The following COL4A4 variants were observed in gnomAD, a reference collection of about 807,000 sequenced individuals.
COL4A4 encodes the protein collagen type IV alpha 4 chain.
A neutral mutation model predicts 192.9 loss-of-function variants in COL4A4; 105 were observed. That is an observed-to-expected ratio of 0.54 (90% CI 0.46 to 0.64). COL4A4 has a LOEUF of 0.64. COL4A4 is among the 30% of genes least tolerant of loss of function. The probability of loss-of-function intolerance (pLI) is 0.00; values close to 1 mark genes in which losing one functional copy is unlikely to be tolerated. For missense variants in COL4A4, 1,967 were observed against 2,169.3 expected (o/e 0.91, Z 1.85); for synonymous variants, 762 against 769.9 (o/e 0.99, Z 0.17).
chr2:227,135,562 T>C (rs1474453854), intron 4 of COL4A4, among the ~76,000 whole-genome samples: 4 of 152,012 alleles, frequency 2.6e-5, no homozygotes, highest in Non-Finnish European at 4.4e-5. Flanking sequence ...TTCTCTTGGG[T>C]ATGGGAGATC....
chr2:227,113,813 A>G (rs761606520), intron 8 of COL4A4, among the ~76,000 whole-genome samples: 4 of 152,214 alleles, frequency 2.6e-5, no homozygotes, highest in Non-Finnish European at 5.9e-5. Context: ...TCTGCGTGGC[A>G]CAGAACCTAG....
At chr2:226,970,530 AG>A in the COL4A4 span, among the ~76,000 whole-genome samples, 1 of 152,200 alleles carries the variant, frequency 6.6e-6, no homozygotes, top group Admixed American at 6.5e-5. Context: ...AGGGCACGGA[AG>A]CAGCCTTATT....
chr2:227,041,863 AAAGAAAGAAAGAAAG>A (rs1971401174), intron 37 of COL4A4, among the ~76,000 whole-genome samples: 1 of 126,166 alleles, frequency 7.9e-6, no homozygotes, highest in African/African-American at 3.3e-5. Context: ...AGAAAGAAAG[AAAGAAAGAAAGAAAG>A]AAAGAAAGAA....
At chr2:226,988,264 T>A in the COL4A4 span, 4 of 1,452,588 alleles carry the variant, frequency 2.8e-6, no homozygotes, top group Admixed American at 9.1e-5. Flanking sequence ...ATCAGGGCCC[T>A]GAGGAGGCCA....
At chr2:227,102,104 T>A (rs2060556666) in intron 15 of COL4A4, among the ~76,000 whole-genome samples, 195 bp from the exon 16 acceptor site, 1 of 152,242 alleles carries the variant, frequency 6.6e-6, no homozygotes, top group Non-Finnish European at 1.5e-5. Context: ...TGATCCTCAG[T>A]CTTATTCAAA....
chr2:227,147,688 T>A, intron 1 of COL4A4, 104 bp from the exon 2 acceptor site: 1 of 508,238 alleles, frequency 2.0e-6, no homozygotes, highest in South Asian at 2.0e-5. Context: ...AAAGGGTAAC[T>A]TCAACAATCT....
intron 1 of COL4A4, among the ~76,000 whole-genome samples, chr2:227,160,775 A>G (rs2064763733): frequency 6.6e-6 from 1 of 152,214 alleles, no homozygotes; most frequent in Non-Finnish European, 1.5e-5. Flanking sequence ...CTAGATAGCT[A>G]CCATAATCCA....
intron 2 of COL4A4, 65 bp downstream of exon 2, chr2:227,147,348 C>G (rs1413779355): frequency 6.8e-7 from 1 of 1,462,346 alleles, no homozygotes; most frequent in East Asian, 2.3e-5. Context: ...CGGTTTACAT[C>G]CATAGAACAA....
chr2:227,012,808 T>C (rs1964069556), intron 44 of COL4A4, among the ~76,000 whole-genome samples: 1 of 152,202 alleles, frequency 6.6e-6, no homozygotes, highest in Admixed American at 6.5e-5. Context: ...AGCTTTTTAC[T>C]GAGTGTTTAC....
chr2:227,052,006 A>G (rs891805179), intron 32 of COL4A4, among the ~76,000 whole-genome samples: 3 of 152,134 alleles, frequency 2.0e-5, no homozygotes, highest in African/African-American at 7.2e-5. Flanking sequence ...CCTGGCCAAC[A>G]TGGTGAAACC....
chr2:227,068,860 T>C (rs1455421043), intron 25 of COL4A4, among the ~76,000 whole-genome samples: 185 of 149,370 alleles, frequency 1.2e-3, no homozygotes, highest in African/African-American at 4.0e-3. Flanking sequence ...TTGGAAGTTC[T>C]GGCCAGGGCA....
chr2:227,058,481 A>T (rs942569252), intron 28 of COL4A4, among the ~76,000 whole-genome samples: 6 of 152,118 alleles, frequency 3.9e-5, no homozygotes, highest in Admixed American at 1.3e-4. Flanking sequence ...TGTTTCTTTC[A>T]ATATGAATCT....
chr2:227,041,846 A>AAGAAAGAAAGAGAGAGAGAG lies in COL4A4; in HGVS notation c.3505+301_3505+302insCTCTCTCTCTCTTTCTTTCT, dbSNP rs1559478097. On this transcript the variant is annotated intron_variant, in intron 37 of 47. Coordinates refer to ENST00000396625, the MANE Select transcript of COL4A4 (RefSeq NM_000092.5). ...AAAGAAAGAAAGAAAGAAAGAAAGA[A>AAGAAAGAAAGAGAGAGAGAG]AGAGAAAGAAAGAAAGAAAGAAAGA... 1.3e-3 allele frequency among the ~76,000 whole-genome samples: 53 copies of AAGAAAGAAAGAGAGAGAGAG among 39,314 alleles called. 2 individuals are homozygous for AAGAAAGAAAGAGAGAGAGAG. Among genetic ancestry groups the AAGAAAGAAAGAGAGAGAGAG allele is most frequent in the Non-Finnish European group, 2.0e-3 (45 of 22,498 alleles). The allele number at this position is 39,314 out of a possible 152,430, so 25.8% of individuals were successfully genotyped here. A position where few individuals can be genotyped will look rare whatever the true frequency, so the allele number is the denominator to read the frequency against.
intron 1 of COL4A4, among the ~76,000 whole-genome samples, chr2:227,163,447 A>G (rs2065016610): frequency 6.6e-6 from 1 of 152,260 alleles, no homozygotes; most frequent in African/African-American, 2.4e-5. Flanking sequence ...GACTTCCATA[A>G]TTGCATTCCA....
At chr2:227,050,846 G>A (rs949757296) in intron 33 of COL4A4, 131 bp downstream of exon 33, 1 of 1,080,846 alleles carries the variant, frequency 9.3e-7, no homozygotes, top group Non-Finnish European at 1.4e-6. Flanking sequence ...TTCTCCTTGA[G>A]CTACACCTTA....
intron 1 of COL4A4, among the ~76,000 whole-genome samples, chr2:227,159,552 T>C (rs988210829): frequency 1.3e-5 from 2 of 152,248 alleles, no homozygotes; most frequent in African/African-American, 4.8e-5. Context: ...AAATCTCATC[T>C]TGAATTGTAA....
the COL4A4 span, among the ~76,000 whole-genome samples, chr2:226,981,744 C>T: frequency 1.3e-5 from 2 of 152,204 alleles, no homozygotes; most frequent in Non-Finnish European, 2.9e-5. Flanking sequence ...ACTTCTCAGA[C>T]AGTTTTTCAC....
intron 6 of COL4A4, among the ~76,000 whole-genome samples, chr2:227,119,459 TAA>T (rs1314016021): frequency 3.4e-5 from 5 of 148,998 alleles, no homozygotes; most frequent in African/African-American, 9.8e-5. Context: ...ATGTAAGATA[TAA>T]GATACTATAT....
At chr2:227,126,008 C>A (rs1229777266) in intron 4 of COL4A4, among the ~76,000 whole-genome samples, 2 of 152,118 alleles carry the variant, frequency 1.3e-5, no homozygotes, top group Non-Finnish European at 2.9e-5. Flanking sequence ...GCAAGACAGG[C>A]GGCCCTCCAT....
Sources: allele counts gnomAD v4.1 joint callset (sites outside exome capture counted in the v4.1 genomes callset), GRCh38; gene constraint gnomAD v4.1.1; transcripts MANE v1.5; gene names NCBI Gene and HGNC (gene_info 2026-07-23, HGNC 2026-07-21).